Variants in BCOR observed in about 807,000 individuals in gnomAD.
BCOR encodes BCL-6 corepressor.
In BCOR, 10 loss-of-function variants were observed where a neutral mutation model predicts 86.7. The ratio of observed to expected loss-of-function variants is 0.12; its 90% CI spans 0.07 to 0.20. BCOR has a LOEUF of 0.20. Among genes scored for constraint, BCOR ranks in the 10% least tolerant of loss-of-function variants. The probability of loss-of-function intolerance (pLI) is 1.00; values close to 1 mark genes in which losing one functional copy is unlikely to be tolerated. For synonymous variants in BCOR, 611 were observed against 609.0 expected (o/e 1.00, Z -0.05); for missense variants, 1,259 against 1,452.1 (o/e 0.87, Z 2.16).
At chrX:40,110,494 A>G (rs1937281759) in intron 1 of BCOR, among the ~76,000 whole-genome samples, 1 of 108,542 alleles carries the variant, frequency 9.2e-6, no homozygotes, top group African/African-American at 3.3e-5. Context: ...TTAACATTTC[A>G]GGCAAAATAT....
intron 1 of BCOR, among the ~76,000 whole-genome samples, chrX:40,169,066 T>G (rs1420717231): frequency 8.9e-6 from 1 of 112,575 alleles, no homozygotes; most frequent in Non-Finnish European, 1.9e-5. Flanking sequence ...GTTTCTGCCA[T>G]TCAGTACACA....
intron 1 of BCOR, among the ~76,000 whole-genome samples, chrX:40,108,611 C>T (rs1159995458): frequency 2.6e-5 from 3 of 113,574 alleles, no homozygotes; most frequent in African/African-American, 9.6e-5. Flanking sequence ...AAGCCCGCAC[C>T]TTGCCTGGCC....
At chrX:40,064,111 G>C (rs976148719) in intron 7 of BCOR, among the ~76,000 whole-genome samples, 159 bp from the exon 8 acceptor site, 2 of 110,400 alleles carry the variant, frequency 1.8e-5, no homozygotes, top group Non-Finnish European at 3.8e-5. Flanking sequence ...TCTGGCTTTG[G>C]GGGAGGGGAG....
At position 40,139,497 on chromosome X, in the gene BCOR, A is replaced by ATATAT. The variant is rs1239084755; in HGVS notation, c.-41+37509_-41+37510insATATA. On this transcript the variant is annotated intron_variant, in intron 1 of 14. Coordinates refer to the BCOR transcript ENST00000342274. ...TATATATATATATATATATATATAT[A>ATATAT]TTTTTTTTTTTTTTTAAGCATCAGC... Among the ~76,000 whole-genome samples the ATATAT allele has an allele frequency of 3.5e-4, 2 of 5,709 alleles. 1 individual carries two copies. The highest frequency in any genetic ancestry group is 6.3e-4 in the Non-Finnish European group (2 of 3,186). The allele number at this position is 5,709 out of a possible 115,157, so 5.0% of individuals were successfully genotyped here. A position where few individuals can be genotyped will look rare whatever the true frequency, so the allele number is the denominator to read the frequency against.
intron 1 of BCOR, among the ~76,000 whole-genome samples, chrX:40,118,856 G>T (rs753472203): frequency 8.9e-6 from 1 of 111,983 alleles, no homozygotes; most frequent in Admixed American, 9.5e-5. Context: ...TTGTTGAGAC[G>T]GAGGCTCGCT....
chrX:40,054,557 G>C (rs779420390), intron 12 of BCOR, among the ~76,000 whole-genome samples: 42 of 107,547 alleles, frequency 3.9e-4, no homozygotes, highest in African/African-American at 1.4e-3. Context: ...GAGTGCAGTG[G>C]CACAATCTCG....
At chrX:40,107,352 T>C (rs908911033) in intron 1 of BCOR, among the ~76,000 whole-genome samples, 15 of 109,859 alleles carry the variant, frequency 1.4e-4, no homozygotes, top group African/African-American at 5.0e-4. Context: ...AAGGGCCAGG[T>C]CCCTCGGTCC....
intron 1 of BCOR, among the ~76,000 whole-genome samples, chrX:40,079,257 C>T (rs762604089): frequency 1.5e-4 from 17 of 112,359 alleles, no homozygotes; most frequent in African/African-American, 4.5e-4. Flanking sequence ...CCTAAGTCGA[C>T]ACATTTCCTT....
chrX:40,139,497 A>ATTT (rs750808544), intron 1 of BCOR, among the ~76,000 whole-genome samples: 1 of 5,709 alleles, frequency 1.8e-4, no homozygotes, highest in African/African-American at 5.8e-4. Flanking sequence ...ATATATATAT[A>ATTT]TTTTTTTTTT....
intron 1 of BCOR, among the ~76,000 whole-genome samples, chrX:40,108,697 T>C (rs1043978227): frequency 8.8e-6 from 1 of 113,085 alleles, no homozygotes; most frequent in Admixed American, 9.2e-5. Flanking sequence ...AGCGGCCTGC[T>C]CTCCACAGGA....
chrX:40,129,567 A>G (rs1361188699), intron 1 of BCOR, among the ~76,000 whole-genome samples: 1 of 110,643 alleles, frequency 9.0e-6, no homozygotes, highest in African/African-American at 3.3e-5. Context: ...GGCCAGGTAT[A>G]TAAGTAGAAG....
intron 1 of BCOR, among the ~76,000 whole-genome samples, chrX:40,159,209 C>G (rs1938362551): frequency 8.9e-6 from 1 of 112,373 alleles, no homozygotes; most frequent in African/African-American, 3.2e-5. Context: ...AGCAAAATAT[C>G]AAATATCAGA....
At chrX:40,070,264 G>C (rs948942876) in intron 6 of BCOR, among the ~76,000 whole-genome samples, 1 of 111,922 alleles carries the variant, frequency 8.9e-6, no homozygotes, top group African/African-American at 3.3e-5. Flanking sequence ...CTTCAAGCTT[G>C]CATATTTAAG....
At chrX:40,130,973 C>T (rs1301936912) in intron 1 of BCOR, among the ~76,000 whole-genome samples, 1 of 111,714 alleles carries the variant, frequency 9.0e-6, no homozygotes, top group Non-Finnish European at 1.9e-5. Context: ...GACCTTTCCT[C>T]AGCTCCTCCA....
intron 1 of BCOR, among the ~76,000 whole-genome samples, chrX:40,161,791 G>A (rs1281590428): frequency 1.8e-5 from 2 of 112,081 alleles, no homozygotes; most frequent in Admixed American, 9.5e-5. Flanking sequence ...GGGATTACAG[G>A]CATGAGCCAC....
intron 1 of BCOR, among the ~76,000 whole-genome samples, chrX:40,103,872 T>A (rs1164779716): frequency 8.9e-6 from 1 of 112,064 alleles, no homozygotes; most frequent in Admixed American, 9.4e-5. Context: ...CTTAGCGATT[T>A]TGATCGGTCA....
At chrX:40,129,707 T>C (rs1411811837) in intron 1 of BCOR, among the ~76,000 whole-genome samples, 1 of 98,921 alleles carries the variant, frequency 1.0e-5, no homozygotes, top group Non-Finnish European at 1.9e-5. Flanking sequence ...TGTTTCACTG[T>C]CCTTTCCTTG....
chrX:40,067,296 TG>T (rs2147119925), intron 6 of BCOR, among the ~76,000 whole-genome samples: 1 of 111,957 alleles, frequency 8.9e-6, no homozygotes, highest in African/African-American at 3.2e-5. Flanking sequence ...CCATTAGATA[TG>T]GGGAGGTCTT....
At chrX:40,172,952 A>AG (rs1353723871) in intron 1 of BCOR, among the ~76,000 whole-genome samples, 10 of 112,886 alleles carry the variant, frequency 8.9e-5, no homozygotes, top group African/African-American at 2.9e-4. Flanking sequence ...TAGGTGGGCC[A>AG]GGGGGGCCTT....
Sources: allele counts gnomAD v4.1 joint callset (sites outside exome capture counted in the v4.1 genomes callset), GRCh38; gene constraint gnomAD v4.1.1; transcripts MANE v1.5; gene names NCBI Gene and HGNC (gene_info 2026-07-23, HGNC 2026-07-21).